CALN1: variants seen among roughly 807,000 people sequenced by gnomAD.
CALN1 encodes calcium-binding protein 8.
A neutral mutation model predicts 30.6 loss-of-function variants in CALN1; 17 were observed. That is an observed-to-expected ratio of 0.56 (90% CI 0.38 to 0.83). The LOEUF (loss-of-function observed/expected upper bound fraction) is 0.83, where lower values mean the gene tolerates loss of function less well. Among genes scored for constraint, CALN1 ranks in the 40% least tolerant of loss-of-function variants. The pLI, the probability that CALN1 is intolerant of heterozygous loss-of-function variation, is 0.00. For synonymous variants in CALN1, 156 were observed against 131.4 expected (o/e 1.19, Z -1.28); for missense variants, 291 against 354.9 (o/e 0.82, Z 1.45).
chr7:71,949,484 C>T (rs939858512), intron 5 of CALN1, among the ~76,000 whole-genome samples: 2 of 152,008 alleles, frequency 1.3e-5, no homozygotes, highest in South Asian at 2.1e-4. Context: ...GAGGTTCAAG[C>T]GATTCTCCTG....
intron 2 of CALN1, among the ~76,000 whole-genome samples, chr7:72,343,461 T>C (rs551021022): frequency 1.3e-3 from 195 of 152,024 alleles, no homozygotes; most frequent in African/African-American, 4.6e-3. Flanking sequence ...GGCAGGAGAA[T>C]TGCCTGAACC....
intron 3 of CALN1, among the ~76,000 whole-genome samples, chr7:72,106,884 G>T (rs893904962): frequency 1.6e-4 from 24 of 145,674 alleles, no homozygotes; most frequent in Non-Finnish European, 3.2e-4. Flanking sequence ...AGGAAAAAAG[G>T]AAAGAAGAAA....
chr7:72,127,534 A>C (rs1808851998), intron 3 of CALN1, among the ~76,000 whole-genome samples: 1 of 152,184 alleles, frequency 6.6e-6, no homozygotes, highest in South Asian at 2.1e-4. Flanking sequence ...TGAGGTCCAA[A>C]GGATGACAGC....
intron 3 of CALN1, among the ~76,000 whole-genome samples, chr7:72,121,489 T>G (rs1209253936): frequency 6.8e-6 from 1 of 147,644 alleles, no homozygotes; most frequent in Admixed American, 6.8e-5. Context: ...ATTATGTTAT[T>G]TATAATATAT....
At chr7:71,933,021 C>T (rs1422674554) in intron 5 of CALN1, among the ~76,000 whole-genome samples, 6 of 151,996 alleles carry the variant, frequency 3.9e-5, no homozygotes, top group Admixed American at 2.0e-4. Context: ...CCCTTTTTAA[C>T]GAAAAGCAGC....
chr7:72,362,211 G>T (rs960849152), intron 2 of CALN1, among the ~76,000 whole-genome samples: 1 of 152,180 alleles, frequency 6.6e-6, no homozygotes, highest in South Asian at 2.1e-4. Flanking sequence ...TCACAGCTTC[G>T]TTCGTTGCTA....
intron 3 of CALN1, among the ~76,000 whole-genome samples, chr7:72,118,408 A>G (rs1368520654): frequency 1.3e-5 from 2 of 152,198 alleles, no homozygotes; most frequent in African/African-American, 2.4e-5. Flanking sequence ...AGGTCATGAA[A>G]AGTATTTCTT....
intron 3 of CALN1, among the ~76,000 whole-genome samples, chr7:72,193,927 A>C (rs1355710529): frequency 6.6e-6 from 1 of 152,110 alleles, no homozygotes; most frequent in Non-Finnish European, 1.5e-5. Flanking sequence ...CAAAGGCATA[A>C]GAATAATACA....
intron 3 of CALN1, among the ~76,000 whole-genome samples, chr7:72,202,253 G>C (rs987959149): frequency 7.2e-5 from 11 of 152,244 alleles, no homozygotes; most frequent in African/African-American, 2.6e-4. Context: ...CACTTGAGAA[G>C]TTCTCCAAGA....
chr7:72,340,968 A>G (rs1179169522), intron 2 of CALN1, among the ~76,000 whole-genome samples: 2 of 152,130 alleles, frequency 1.3e-5, no homozygotes, highest in South Asian at 2.1e-4. Flanking sequence ...TGGAACTATG[A>G]GTCCATTAAA....
At chr7:72,356,441 T>A (rs987323913) in intron 2 of CALN1, among the ~76,000 whole-genome samples, 1 of 151,974 alleles carries the variant, frequency 6.6e-6, no homozygotes, top group African/African-American at 2.4e-5. Context: ...CAACTTTAGA[T>A]ACAACTTGTA....
chr7:71,828,381 C>T (rs1177204861), intron 5 of CALN1, among the ~76,000 whole-genome samples: 7 of 152,084 alleles, frequency 4.6e-5, no homozygotes, highest in Non-Finnish European at 1.0e-4. Context: ...GGTTACCTTA[C>T]ATGGTAAAAG....
intron 5 of CALN1, among the ~76,000 whole-genome samples, chr7:71,974,843 G>A (rs886493136): frequency 6.6e-6 from 1 of 152,188 alleles, no homozygotes; most frequent in Non-Finnish European, 1.5e-5. Flanking sequence ...TTGGACTGGT[G>A]CAATTCCGCT....
At chr7:72,488,993 C>T in the CALN1 span, among the ~76,000 whole-genome samples, 1 of 152,176 alleles carries the variant, frequency 6.6e-6, no homozygotes, top group Non-Finnish European at 1.5e-5. Context: ...TCCTTATCGA[C>T]CATGAGACAG....
At chr7:72,263,762 G>A (rs1453092746) in intron 3 of CALN1, among the ~76,000 whole-genome samples, 1 of 152,092 alleles carries the variant, frequency 6.6e-6, no homozygotes, top group East Asian at 1.9e-4. Context: ...AGGAACTAGT[G>A]TTCATTTATT....
intron 5 of CALN1, among the ~76,000 whole-genome samples, chr7:72,016,998 C>CAAAAAAAAAGAAAAAAAA (rs1800419939): frequency 3.1e-5 from 1 of 31,962 alleles, no homozygotes. Context: ...ACTAAAAATA[C>CAAAAAAAAAGAAAAAAAA]AAAAAAAAAA....
chr7:72,198,433 T>C (rs1174759872), intron 3 of CALN1, among the ~76,000 whole-genome samples: 4 of 152,212 alleles, frequency 2.6e-5, no homozygotes, highest in South Asian at 2.1e-4. Flanking sequence ...TATCAAGCCA[T>C]ACCAGGCTTC....
intron 3 of CALN1, among the ~76,000 whole-genome samples, chr7:72,209,313 CTTCCCTCCTTCCCTCT>C (rs1295752242): frequency 1.1e-4 from 9 of 85,144 alleles, no homozygotes; most frequent in African/African-American, 1.9e-4. Flanking sequence ...TCCTTCCCTC[CTTCCCTCCTTCCCTCT>C]TTCCTTCCCT....
chr7:72,323,576 T>G (rs959587234), intron 2 of CALN1, among the ~76,000 whole-genome samples: 2 of 149,654 alleles, frequency 1.3e-5, no homozygotes, highest in African/African-American at 5.0e-5. Flanking sequence ...GGCAGGGGAA[T>G]AGCTTGAACC....
Sources: gnomAD v4.1 joint callset for allele counts (sites outside exome capture counted in the v4.1 genomes callset) on GRCh38, gnomAD v4.1.1 for gene constraint, MANE v1.5 for transcripts, NCBI Gene and HGNC (gene_info 2026-07-23, HGNC 2026-07-21) for gene names.